DNAJC2: variants seen among roughly 807,000 people sequenced by gnomAD.
DNAJC2 encodes the protein dnaJ homolog subfamily C member 2.
DNAJC2 carries 32 observed loss-of-function variants against 94.0 expected under a neutral mutation model. The observed-to-expected ratio is 0.34, with a 90% CI of 0.26 to 0.46. The LOEUF (loss-of-function observed/expected upper bound fraction) is 0.46. Among genes scored for constraint, DNAJC2 ranks in the 20% least tolerant of loss-of-function variants. DNAJC2 has a pLI of 1.00. For synonymous variants in DNAJC2, 210 were observed against 229.7 expected (o/e 0.91, Z 0.77); for missense variants, 550 against 719.5 (o/e 0.76, Z 2.69).
At chr7:103,323,481 T>C (rs1818532339) in intron 7 of DNAJC2, 117 bp downstream of exon 7, 1 of 1,098,308 alleles carries the variant, frequency 9.1e-7, no homozygotes, top group African/African-American at 1.6e-5. Flanking sequence ...AAAAATTGTT[T>C]AAAAAAGATG....
intron 3 of DNAJC2, among the ~76,000 whole-genome samples, chr7:103,330,830 C>T (rs1012027253): frequency 9.9e-5 from 15 of 151,996 alleles, no homozygotes; most frequent in Non-Finnish European, 1.3e-4. Context: ...GATCCTCCCA[C>T]CCTGGCCTCC....
At chr7:103,339,604 G>GTTT (rs35504252) in intron 2 of DNAJC2, among the ~76,000 whole-genome samples, 1 of 143,896 alleles carries the variant, frequency 6.9e-6, no homozygotes, top group Non-Finnish European at 1.5e-5. Flanking sequence ...AAATCCAATG[G>GTTT]TTTTTTTTTT....
rs371871005 is a variant in DNAJC2, at chr7:103,321,849, AAAAC to A, written c.1083+79_1083+82del. On this transcript the variant is annotated intron_variant, in intron 10 of 16. Coordinates refer to ENST00000379263, the MANE Select transcript of DNAJC2 (RefSeq NM_014377.3). ...GGCGACAGAGCGAGACCCCATCTAA[AAAAC>A]AAACAAACAAAAAGAAGTATTTTTG... is the stretch of plus-strand genomic sequence containing the variant. 6.7e-4 allele frequency: 1,008 copies of A among 1,497,072 alleles called. 3 individuals carry two copies. In the African/African-American group the frequency reaches 8.3e-3, roughly 12 times the overall value. 92.7% of individuals were successfully genotyped at this position (1,497,072 alleles called of 1,614,324 possible).
rs148488707 is a variant in DNAJC2, at chr7:103,334,983, G to A, written c.331+2753C>T. Among the ~76,000 whole-genome samples the A allele has an allele frequency of 3.8e-3, 582 of 152,074 alleles. 4 individuals carry two copies. The highest frequency in any genetic ancestry group is 0.014 in the African/African-American group (573 of 41,488). On this transcript the variant is annotated intron_variant, in intron 3 of 16. Coordinates refer to ENST00000379263, the MANE Select transcript of DNAJC2 (RefSeq NM_014377.3). ...CAAGTAGCTGGGATTACAGGCATGC[G>A]TCTCCATGCCCGCCTAATTTTTATA...
Position 103,319,709 on chromosome 7 carries a change from T to G in DNAJC2, c.1173-31A>C, listed in dbSNP as rs763729088. 33 of 1,613,830 alleles carry G rather than the reference T, an allele frequency of 2.0e-5. 1 individual carries two copies. The South Asian group carries it at 3.6e-4, about 18-fold the overall frequency. On this transcript the variant is annotated intron_variant, in intron 11 of 16. Coordinates refer to ENST00000379263, the MANE Select transcript of DNAJC2 (RefSeq NM_014377.3). ...GAAAAAAAAAGAAGAAATGAAACTTTATCCTAAGCTCAAGTGAAGACTTCA... is the reference window on the plus strand; with the variant it reads ...GAAAAAAAAAGAAGAAATGAAACTTGATCCTAAGCTCAAGTGAAGACTTCA...
intron 3 of DNAJC2, among the ~76,000 whole-genome samples, chr7:103,330,423 G>T (rs1240870198): frequency 6.6e-6 from 1 of 151,698 alleles, no homozygotes; most frequent in African/African-American, 2.4e-5. Context: ...AAGTGGCTGG[G>T]ATTACAGGTG....
chr7:103,342,606 G>C (rs567691619), intron 1 of DNAJC2, among the ~76,000 whole-genome samples: 91 of 147,604 alleles, frequency 6.2e-4, no homozygotes, highest in Non-Finnish European at 1.1e-3. Flanking sequence ...CACCCACCTG[G>C]ACAATTTTTT....
In DNAJC2 at chr7:103,312,447, C is replaced by T; in HGVS notation, c.*122G>A. On this transcript the variant is annotated 3_prime_UTR_variant, in exon 17 of 17. Coordinates refer to ENST00000379263, the MANE Select transcript of DNAJC2 (RefSeq NM_014377.3). ...TTTGTATTAATGGTCAGTCTTTGTT[C>T]TCTGAGAAATTATGTTGGAAGCAGC... 1.3e-6 allele frequency: 2 copies of T among 1,522,330 alleles called. No homozygotes were observed. The highest frequency in any genetic ancestry group is 1.7e-6 in the Non-Finnish European group (2 of 1,143,682). The allele number at this position is 1,522,330 out of a possible 1,614,324, so 94.3% of individuals were successfully genotyped here.
chr7:103,339,611 T>TC (rs1178836711), intron 2 of DNAJC2, among the ~76,000 whole-genome samples: 1 of 152,142 alleles, frequency 6.6e-6, no homozygotes, highest in East Asian at 1.9e-4. Context: ...ATGGTTTTTT[T>TC]TTTTTTTGAG....
intron 12 of DNAJC2, among the ~76,000 whole-genome samples, chr7:103,318,712 A>C (rs948583948): frequency 6.6e-6 from 1 of 152,236 alleles, no homozygotes; most frequent in Non-Finnish European, 1.5e-5. Flanking sequence ...CTGTAAAATA[A>C]AAGGTATAGA....
In DNAJC2 at chr7:103,325,459, A is replaced by AC. The variant is rs564064554; in HGVS notation, c.573-898_573-897insG. 2.4e-3 allele frequency among the ~76,000 whole-genome samples: 366 copies of AC among 151,916 alleles called. 3 individuals are homozygous for AC. The highest frequency in any genetic ancestry group is 3.8e-3 in the Non-Finnish European group (258 of 67,922). ...CTCAAAATAAAAAAGGAAAAAAAAA[A>AC]AACCAAAAAACAGGTGAAATCCAAG... is the stretch of plus-strand genomic sequence containing the variant. On this transcript the variant is annotated intron_variant, in intron 5 of 16. Coordinates refer to ENST00000379263, the MANE Select transcript of DNAJC2 (RefSeq NM_014377.3).
intron 12 of DNAJC2, 42 bp downstream of exon 12, chr7:103,319,567 T>A (rs1332963867): frequency 1.3e-6 from 2 of 1,587,066 alleles, no homozygotes; most frequent in African/African-American, 2.7e-5. Flanking sequence ...AAAGCAGAAT[T>A]AAATGCTACA....
intron 3 of DNAJC2, among the ~76,000 whole-genome samples, chr7:103,331,763 C>T (rs1818982673): frequency 6.6e-6 from 1 of 152,026 alleles, no homozygotes; most frequent in African/African-American, 2.4e-5. Flanking sequence ...CTGATGGACA[C>T]TTAGGTTGAT....
At chr7:103,316,662 G>A in intron 13 of DNAJC2, 168 bp downstream of exon 13, 1 of 616,522 alleles carries the variant, frequency 1.6e-6, no homozygotes, top group Non-Finnish European at 2.9e-6. Flanking sequence ...TGATGCAATG[G>A]GTAAGACTGA....
intron 13 of DNAJC2, 43 bp downstream of exon 13, chr7:103,316,787 G>C: frequency 6.6e-7 from 1 of 1,518,056 alleles, no homozygotes; most frequent in Non-Finnish European, 9.1e-7. Flanking sequence ...ATTATCTCCA[G>C]GCTCCAGTGT....
chr7:103,320,833 T>TC, intron 10 of DNAJC2: 1 of 147,994 alleles, frequency 6.8e-6, no homozygotes, highest in Non-Finnish European at 1.3e-5. Context: ...AGCATGTCTT[T>TC]TTTTTTTTTT....
At chr7:103,335,676 G>A (rs891410888) in intron 3 of DNAJC2, 4 of 152,180 alleles carry the variant, frequency 2.6e-5, no homozygotes, top group Non-Finnish European at 5.9e-5. Context: ...CTCCCAAGTA[G>A]TTGGGCTTAC....
chr7:103,335,578 C>T (rs1819137632), intron 3 of DNAJC2: 1 of 151,140 alleles, frequency 6.6e-6, no homozygotes. Context: ...CACTCTCTCA[C>T]TCTGTTGCTC....
In DNAJC2 at chr7:103,322,734, T is replaced by C. The variant is rs759794709; in HGVS notation, c.780A>G (p.Lys260=). 6.2e-6 allele frequency: 10 copies of C among 1,611,184 alleles called. No individual in the cohort carries two copies. Among genetic ancestry groups the C allele is most frequent in the Middle Eastern group, 1.6e-4 (1 of 6,068 alleles). ...ATGTTCTTATTCTGTTCATTTCTTC[T>C]TTTTTTCTTTGTGCTCTTGTTGCTC... ...QNRATRAQRK[K]EEMNRIRTLV... is the part of the protein sequence containing the mutation. The change falls in exon 8 of 17, where the codon AAA becomes AAG. Residue 260 remains lysine (K), a synonymous_variant. Coordinates refer to ENST00000379263, the MANE Select transcript of DNAJC2 (RefSeq NM_014377.3).
Sources: gnomAD v4.1 joint callset for allele counts (sites outside exome capture counted in the v4.1 genomes callset) on GRCh38, gnomAD v4.1.1 for gene constraint, MANE v1.5 for transcripts, NCBI Gene and HGNC (gene_info 2026-07-23, HGNC 2026-07-21) for gene names.